MYRIP: variants seen among roughly 807,000 people sequenced by gnomAD.
MYRIP encodes myosin VIIA and Rab interacting protein.
A neutral mutation model predicts 98.0 loss-of-function variants in MYRIP; 49 were observed. The observed-to-expected ratio is 0.50, with a 90% CI of 0.40 to 0.63. The LOEUF (loss-of-function observed/expected upper bound fraction) is 0.63. Among genes scored for constraint, MYRIP ranks in the 30% least tolerant of loss-of-function variants. The pLI is 0.00. For synonymous variants in MYRIP, 404 were observed against 409.5 expected, an observed-to-expected ratio of 0.99 and a Z score of 0.16; for missense variants, 1,004 against 1,058.2, an observed-to-expected ratio of 0.95 and a Z score of 0.71.
At position 40,207,149 on chromosome 3, in the gene MYRIP, G is replaced by C. The variant is rs563935925; in HGVS notation, c.1666-2705G>C. ...ACTGGTGTTTAACGCTCTGCAGACTGACCCAGGCCTGATTTTTCCATACCA... is the reference window on the plus strand; with the variant it reads ...ACTGGTGTTTAACGCTCTGCAGACTCACCCAGGCCTGATTTTTCCATACCA... On this transcript the variant is annotated intron_variant, in intron 10 of 16. Transcript: ENST00000302541. Among the ~76,000 whole-genome samples the C allele has an allele frequency of 1.3e-3, 205 of 152,234 alleles. 2 individuals are homozygous for C. Among genetic ancestry groups the C allele is most frequent in the African/African-American group, 4.8e-3 (201 of 41,546 alleles).
intron 2 of MYRIP, among the ~76,000 whole-genome samples, chr3:40,033,666 A>G (rs939093652): frequency 2.0e-5 from 3 of 152,220 alleles, no homozygotes; most frequent in Non-Finnish European, 2.9e-5. Context: ...TATAGATTCA[A>G]TGCCATCCCT....
intron 12 of MYRIP, among the ~76,000 whole-genome samples, chr3:40,242,004 C>T (rs1164339511): frequency 6.6e-6 from 1 of 152,092 alleles, no homozygotes; most frequent in Non-Finnish European, 1.5e-5. Context: ...TTATAACATT[C>T]CAACTGAGAT....
intron 1 of MYRIP, among the ~76,000 whole-genome samples, chr3:39,858,869 TA>T (rs1221884481): frequency 6.6e-6 from 1 of 151,848 alleles, no homozygotes; most frequent in African/African-American, 2.4e-5. Flanking sequence ...AACCAAAACT[TA>T]AGAGGAGGCA....
At chr3:39,969,337 G>T (rs1472481716) in intron 2 of MYRIP, among the ~76,000 whole-genome samples, 5 of 151,982 alleles carry the variant, frequency 3.3e-5, no homozygotes, top group Non-Finnish European at 1.5e-5. Context: ...TGATTGCCCT[G>T]ACTAGGACTT....
intron 4 of MYRIP, among the ~76,000 whole-genome samples, chr3:40,156,922 C>A (rs1317761480): frequency 6.6e-6 from 1 of 151,998 alleles, no homozygotes; most frequent in Admixed American, 6.6e-5. Context: ...TCTAGATATA[C>A]AATCATGTCA....
At chr3:40,122,125 A>C (rs1382277072) in intron 3 of MYRIP, among the ~76,000 whole-genome samples, 1 of 152,110 alleles carries the variant, frequency 6.6e-6, no homozygotes. Context: ...TGCTTATCTC[A>C]TTTTCAGTTG....
chr3:40,032,758 GAC>G lies in MYRIP; in HGVS notation c.111-11288_111-11287del, dbSNP rs1417466650. ...CATCCTGATACCAAACCCGGGCAGAGACACAACCAAAAAAGAATTTTAGACCA... is the reference window on the plus strand; with the variant it reads ...CATCCTGATACCAAACCCGGGCAGAGACAACCAAAAAAGAATTTTAGACCA... On this transcript the variant is annotated intron_variant, in intron 2 of 16. Transcript: ENST00000302541. 2.0e-5 allele frequency among the ~76,000 whole-genome samples: 3 copies of G among 152,010 alleles called. 1 individual carries two copies. The highest frequency in any genetic ancestry group is 2.0e-4 in the Admixed American group (3 of 15,244).
intron 8 of MYRIP, among the ~76,000 whole-genome samples, chr3:40,177,514 A>G (rs1053154130): frequency 1.3e-5 from 2 of 152,232 alleles, no homozygotes; most frequent in Non-Finnish European, 2.9e-5. Flanking sequence ...CTTAGGCTTG[A>G]CTGCAAAACC....
chr3:39,923,727 T>C (rs553124879), intron 2 of MYRIP, among the ~76,000 whole-genome samples: 8 of 152,256 alleles, frequency 5.3e-5, no homozygotes, highest in African/African-American at 1.9e-4. Context: ...ATAAATACAA[T>C]AGGCTTTCTT....
intron 2 of MYRIP, among the ~76,000 whole-genome samples, chr3:40,010,741 T>C (rs1431204186): frequency 6.6e-6 from 1 of 152,130 alleles, no homozygotes; most frequent in Non-Finnish European, 1.5e-5. Context: ...ACTACACATT[T>C]AAGGGACCTA....
At chr3:40,123,267 T>C (rs1949443397) in intron 3 of MYRIP, among the ~76,000 whole-genome samples, 1 of 152,250 alleles carries the variant, frequency 6.6e-6, no homozygotes. Context: ...AAGGATTTTT[T>C]TTAACAATAT....
chr3:40,036,324 A>AAAC (rs1553607293), intron 2 of MYRIP, among the ~76,000 whole-genome samples: 2,139 of 125,272 alleles, frequency 0.017, 25 homozygotes, highest in African/African-American at 0.033. Flanking sequence ...AAAAAAAAAA[A>AAAC]CTTTATTCAA....
intron 1 of MYRIP, among the ~76,000 whole-genome samples, chr3:39,815,476 A>G (rs1185818715): frequency 2.6e-5 from 4 of 151,992 alleles, no homozygotes; most frequent in African/African-American, 9.7e-5. Context: ...TAGTCCTTAG[A>G]AGTTTTATTG....
Position 40,170,062 on chromosome 3 carries a change from C to G in MYRIP, c.842C>G (p.Pro281Arg), listed in dbSNP as rs747587982. 4 of 1,614,210 alleles carry G rather than the reference C, an allele frequency of 2.5e-6. No individual in the cohort carries two copies. The highest frequency in any genetic ancestry group is 3.4e-6 in the Non-Finnish European group (4 of 1,180,040). The change falls in exon 8 of 17, where the codon CCT (proline) becomes CGT (arginine). Residue 281 changes from proline (P) to arginine (R), a missense_variant. This residue lies in a region of MYRIP where 880 missense variants were observed against 907.7 expected (regional missense o/e 0.97). Coordinates refer to ENST00000302541, the MANE Select transcript of MYRIP (RefSeq NM_015460.4). ...KVADEGTSAS[P>R]GGYRAPAALW... ...GCAGATGAGGGGACCTCAGCATCCC[C>G]TGGAGGCTACCGTGCTCCCGCTGCC...
At chr3:40,183,248 C>T (rs760124555) in intron 9 of MYRIP, among the ~76,000 whole-genome samples, 18 of 152,198 alleles carry the variant, frequency 1.2e-4, no homozygotes, top group Non-Finnish European at 2.2e-4. Flanking sequence ...ACCAGTAACA[C>T]GGCTGGGCCA....
chr3:40,210,170 A>G (rs1951884945), intron 11 of MYRIP, 77 bp downstream of exon 11: 8 of 1,514,670 alleles, frequency 5.3e-6, no homozygotes, highest in Non-Finnish European at 7.1e-6. Context: ...ATATTGGTGC[A>G]GAAAGCTGCT....
At chr3:39,828,068 C>T (rs907475084) in intron 1 of MYRIP, among the ~76,000 whole-genome samples, 2 of 151,878 alleles carry the variant, frequency 1.3e-5, no homozygotes, top group Non-Finnish European at 2.9e-5. Flanking sequence ...TGGAAAGGAC[C>T]TGTTTGAGTG....
chr3:40,134,118 G>T (rs1052681136), intron 3 of MYRIP, among the ~76,000 whole-genome samples: 1 of 152,176 alleles, frequency 6.6e-6, no homozygotes, highest in Non-Finnish European at 1.5e-5. Flanking sequence ...AAGAAATCAG[G>T]GAATTCCCTT....
intron 1 of MYRIP, among the ~76,000 whole-genome samples, chr3:39,852,377 G>T (rs1490501019): frequency 6.6e-6 from 1 of 152,134 alleles, no homozygotes; most frequent in Non-Finnish European, 1.5e-5. Context: ...CTGTGGCCCT[G>T]CCTAATTTTG....
Sources: gnomAD v4.1 joint callset for allele counts (sites outside exome capture counted in the v4.1 genomes callset) on GRCh38, gnomAD v4.1.1 for gene constraint, gnomAD v4.1.1 regional missense constraint, MANE v1.5 for transcripts, NCBI Gene and HGNC (gene_info 2026-07-23, HGNC 2026-07-21) for gene names.